The following PKM variants were observed in gnomAD, a reference collection of about 807,000 sequenced individuals.
PKM encodes pyruvate kinase M1/2, also known as pyruvate kinase PKM.
In PKM, 18 loss-of-function variants were observed where a neutral mutation model predicts 49.8. That is an observed-to-expected ratio of 0.36 (90% CI 0.25 to 0.54). The LOEUF (loss-of-function observed/expected upper bound fraction) is 0.54, where lower values mean the gene tolerates loss of function less well. Ranked by LOEUF, PKM falls within the 20% of genes least tolerant of loss-of-function variation. The pLI, the probability that PKM is intolerant of heterozygous loss-of-function variation, is 0.89. For missense variants in PKM, 508 were observed against 713.8 expected, an observed-to-expected ratio of 0.71 and a Z score of 3.28; for synonymous variants, 239 against 261.8, an observed-to-expected ratio of 0.91 and a Z score of 0.84.
At chr15:72,229,396 G>C in intron 1 of PKM, 1 of 386,428 alleles carries the variant, frequency 2.6e-6, no homozygotes, top group Non-Finnish European at 5.3e-6. Flanking sequence ...AAATTAATGA[G>C]TCAAACCTGA....
chr15:72,211,864 G>C (rs903887922), intron 3 of PKM, among the ~76,000 whole-genome samples: 11 of 151,462 alleles, frequency 7.3e-5, no homozygotes, highest in African/African-American at 1.7e-4. Flanking sequence ...CTCTAAGATA[G>C]TGTCATCAAT....
At chr15:72,203,113 T>C (rs1555438522) in intron 8 of PKM, 1 of 1,613,974 alleles carries the variant, frequency 6.2e-7, no homozygotes, top group Non-Finnish European at 8.5e-7. Context: ...ATGAGGTCTG[T>C]GGAGTGACTT....
intron 1 of PKM, among the ~76,000 whole-genome samples, chr15:72,221,905 T>C (rs1044207700): frequency 3.9e-5 from 5 of 128,518 alleles, no homozygotes; most frequent in South Asian, 2.6e-4. Flanking sequence ...TCAACCTTAA[T>C]ACATTCAGAA....
At chr15:72,217,619 A>C (rs1210166776) in intron 2 of PKM, 119 bp from the exon 3 acceptor site, 1 of 703,676 alleles carries the variant, frequency 1.4e-6, no homozygotes, top group East Asian at 2.7e-5. Flanking sequence ...CAAATAGCTC[A>C]AAAGTCTTTA....
intron 1 of PKM, among the ~76,000 whole-genome samples, chr15:72,220,173 G>A (rs938959200): frequency 2.0e-5 from 3 of 152,186 alleles, no homozygotes; most frequent in Non-Finnish European, 1.5e-5. Flanking sequence ...CTTGCTACAC[G>A]TCTCATCAGA....
chr15:72,208,561 G>A, intron 6 of PKM, 60 bp downstream of exon 6: 1 of 1,584,546 alleles, frequency 6.3e-7, no homozygotes. Flanking sequence ...ACATTCACAG[G>A]ATGGACCATG....
chr15:72,211,693 TG>T (rs1385908697), intron 3 of PKM, among the ~76,000 whole-genome samples: 36 of 151,560 alleles, frequency 2.4e-4, no homozygotes, highest in Admixed American at 1.3e-3. Context: ...GGTGCGTGCC[TG>T]GGGTCCCAGC....
In PKM at chr15:72,202,899, G is replaced by T; in HGVS notation, c.1141-279C>A. ...GCCCTGCCATGACCTCCCTGGCGGT[G>T]TTCCTACAGACGAGAAGAGGCTCTG... is the stretch of plus-strand genomic sequence containing the variant. On this transcript the variant is annotated intron_variant, in intron 8 of 10. Coordinates refer to ENST00000335181, the MANE Select transcript of PKM (RefSeq NM_002654.6). The surrounding 1 kb of genome is among the most constrained non-coding windows in gnomAD (Gnocchi z 4.5). The T allele has an allele frequency of 9.5e-7, 1 of 1,052,318 alleles. No homozygotes were observed. The highest frequency in any genetic ancestry group is 1.5e-6 in the Non-Finnish European group (1 of 684,686). The allele number at this position is 1,052,318 out of a possible 1,614,324, so 65.2% of individuals were successfully genotyped here. A position where few individuals can be genotyped will look rare whatever the true frequency, so the allele number is the denominator to read the frequency against.
Position 72,209,775 on chromosome 15 carries a change from T to C in PKM, c.463A>G (p.Asn155Asp). 6.2e-7 allele frequency: 1 copy of C among 1,614,102 alleles called. No individual in the cohort carries two copies. Among genetic ancestry groups the C allele is most frequent in the Non-Finnish European group, 8.5e-7 (1 of 1,180,006 alleles). ...TTCTTGTAGTCCAGCCACAGGATGT[T>C]CTCGTCACACTTTTCCATGTAGGCG... Reference protein sequence around the residue: ...DNAYMEKCDENILWLDYKNIC... With the variant: ...DNAYMEKCDEDILWLDYKNIC... The change falls in exon 5 of 11, where the codon AAC (asparagine) becomes GAC (aspartate). Residue 155 changes from asparagine to aspartate, a missense_variant. Physicochemically the swap from Asn to Asp is conservative, Grantham distance 23 (BLOSUM62 1). Transcript: ENST00000335181.
At chr15:72,207,016 C>G (rs1870454246) in intron 7 of PKM, 111 bp downstream of exon 7, 7 of 1,489,376 alleles carry the variant, frequency 4.7e-6, no homozygotes, top group Non-Finnish European at 4.7e-6. Flanking sequence ...AGGGGATTAT[C>G]TGTGTGTTAC....
chr15:72,229,736 T>A, intron 1 of PKM: 1 of 1,170,642 alleles, frequency 8.5e-7, no homozygotes, highest in East Asian at 6.0e-5. Flanking sequence ...GGGCTATGAC[T>A]CGTCTAGTCA....
chr15:72,212,006 G>A (rs957657540), intron 3 of PKM, among the ~76,000 whole-genome samples: 3 of 152,158 alleles, frequency 2.0e-5, no homozygotes, highest in African/African-American at 7.2e-5. Flanking sequence ...GGGAGCTGGA[G>A]CCAGAGCCTA....
intron 4 of PKM, 56 bp from the exon 5 acceptor site, chr15:72,209,915 C>A (rs141614839): frequency 7.1e-7 from 1 of 1,410,820 alleles, no homozygotes; most frequent in South Asian, 1.1e-5. Context: ...AGCAGCATCA[C>A]CTCAGAAGGA....
chr15:72,211,222 C>T (rs967915271), intron 3 of PKM, among the ~76,000 whole-genome samples: 5 of 152,102 alleles, frequency 3.3e-5, no homozygotes, highest in African/African-American at 1.2e-4. Context: ...CGCCCACCAC[C>T]ACGCCTGGCT....
Position 72,202,720 on chromosome 15 carries a change from G to A in PKM, c.1141-100C>T. On this transcript the variant is annotated intron_variant, in intron 8 of 10. Transcript: ENST00000335181. The surrounding 1 kb of genome is among the most constrained non-coding windows in gnomAD (Gnocchi z 4.5). ...GGAGGGGAAGAGTCACCGGACAGCTGGTGAGGAACATGTTCCTGGGAACAA... is the reference window on the plus strand; with the variant it reads ...GGAGGGGAAGAGTCACCGGACAGCTAGTGAGGAACATGTTCCTGGGAACAA... 9.5e-7 allele frequency: 1 copy of A among 1,053,886 alleles called. No individual in the cohort carries two copies. The highest frequency in any genetic ancestry group is 1.6e-5 in the African/African-American group (1 of 63,898). 65.3% of individuals were successfully genotyped at this position (1,053,886 alleles called of 1,614,324 possible).
At chr15:72,210,199 G>T in intron 4 of PKM, 148 bp downstream of exon 4, 1 of 842,984 alleles carries the variant, frequency 1.2e-6, no homozygotes, top group Non-Finnish European at 1.9e-6. Context: ...TGTTTACAGT[G>T]ATGAATAAAT....
chr15:72,211,676 G>A (rs2082256514), intron 3 of PKM, among the ~76,000 whole-genome samples: 1 of 151,964 alleles, frequency 6.6e-6, no homozygotes, highest in South Asian at 2.1e-4. Flanking sequence ...AATTAACTGT[G>A]CATGATGGTG....
intron 2 of PKM, among the ~76,000 whole-genome samples, chr15:72,218,385 C>T (rs1274961286): frequency 6.6e-6 from 1 of 152,072 alleles, no homozygotes; most frequent in Non-Finnish European, 1.5e-5. Flanking sequence ...CCTCAGCCTC[C>T]CGAAGTGCTG....
rs1297478872 is a variant in PKM at position 72,229,292 on chromosome 15, C to A, written c.-14+1824G>T. On this transcript the variant is annotated intron_variant, in intron 1 of 10. Coordinates refer to ENST00000335181, the MANE Select transcript of PKM (RefSeq NM_002654.6). ...ACTGAGTGTGCCACATCCACGTAAG[C>A]ATGAATCCTTTCAACCATCATGAGG... Among the ~76,000 whole-genome samples the A allele has an allele frequency of 2.6e-5, 4 of 152,326 alleles. 1 individual carries two copies. The Middle Eastern group carries it at 0.01, about 389-fold the overall frequency.
Sources: allele counts gnomAD v4.1 joint callset (sites outside exome capture counted in the v4.1 genomes callset), GRCh38; gene constraint gnomAD v4.1.1; non-coding constraint Gnocchi (gnomAD v3.1); transcripts MANE v1.5; gene names NCBI Gene and HGNC (gene_info 2026-07-23, HGNC 2026-07-21).